The following PHF19 variants were observed in gnomAD, a reference collection of about 807,000 sequenced individuals.
PHF19 encodes PHD finger protein 19.
PHF19 carries 21 observed loss-of-function variants against 79.8 expected under a neutral mutation model. The ratio of observed to expected loss-of-function variants is 0.26; its 90% CI spans 0.19 to 0.38. PHF19 has a LOEUF of 0.38. PHF19 is among the 10% of genes least tolerant of loss of function. The pLI is 1.00. For synonymous variants in PHF19, 273 were observed against 296.3 expected (o/e 0.92, Z 0.81); for missense variants, 445 against 744.2 (o/e 0.60, Z 4.68).
intron 1 of PHF19, among the ~76,000 whole-genome samples, chr9:120,882,430 C>T (rs546261332): frequency 1.3e-3 from 147 of 109,832 alleles, no homozygotes; most frequent in African/African-American, 3.9e-3. Context: ...TCAGATTTAT[C>T]GAAATATACT....
chr9:120,879,284 GAC>G (rs1174701186), upstream of PHF19, among the ~76,000 whole-genome samples: 1 of 152,236 alleles, frequency 6.6e-6, no homozygotes, highest in Admixed American at 6.5e-5. Context: ...GGGGATGTGA[GAC>G]ACACAGGTGG....
At chr9:120,878,866 C>T (rs1235751533), upstream of PHF19, among the ~76,000 whole-genome samples, 1 of 152,230 alleles carries the variant, frequency 6.6e-6, no homozygotes, top group Non-Finnish European at 1.5e-5. Flanking sequence ...TAACCATGTT[C>T]TGCCAAGAGA....
chr9:120,870,156 G>T lies in PHF19; in HGVS notation c.365-211C>A, dbSNP rs190341707. On this transcript the variant is annotated intron_variant, in intron 4 of 14. Coordinates refer to ENST00000373896, the MANE Select transcript of PHF19 (RefSeq NM_015651.3). The surrounding 1 kb of genome is among the most constrained non-coding windows in gnomAD (Gnocchi z 4.4). ...ACAGCATTGGCCAGTTGTGGGGTTG[G>T]GGGGGACACAGGAAGGTCTGACTTC... Among the ~76,000 whole-genome samples the T allele has an allele frequency of 3.9e-3, 598 of 152,190 alleles. 2 individuals are homozygous for T. The highest frequency in any genetic ancestry group is 4.1e-3 in the Non-Finnish European group (277 of 67,994).
At chr9:120,900,427 T>C in the PHF19 span, among the ~76,000 whole-genome samples, 1 of 152,278 alleles carries the variant, frequency 6.6e-6, no homozygotes, top group Non-Finnish European at 1.5e-5. Context: ...AAAGTCAATC[T>C]ACATGTATGT....
Position 120,869,152 on chromosome 9 carries a change from C to T in PHF19, c.614+30G>A, listed in dbSNP as rs1294299061. 3.8e-6 allele frequency: 6 copies of T among 1,585,636 alleles called. No homozygotes were observed. The highest frequency in any genetic ancestry group is 4.5e-5 in the East Asian group (2 of 43,980). On this transcript the variant is annotated intron_variant, in intron 6 of 14. Transcript: ENST00000373896. The surrounding 1 kb of genome is among the most constrained non-coding windows in gnomAD (Gnocchi z 5.8). The stretch of plus-strand genomic sequence containing the variant: ...GGCGATTCTTGGAGACCTGCCCTGC[C>T]GCCCGGGGGGCCCTGACCCCCTGCC...
chr9:120,889,927 T>G lies in PHF19; in HGVS notation c.42+4861A>C, dbSNP rs2046319470. Reference sequence around the variant, plus strand: ...CTGGACTTGGACTTAGAATCTGGACTTGGACAACCTAAGGTCAGGTTCTGC... The same window carrying G: ...CTGGACTTGGACTTAGAATCTGGACGTGGACAACCTAAGGTCAGGTTCTGC... On this transcript the variant is annotated intron_variant, in intron 1 of 14. Transcript: ENST00000616568. 3.3e-5 allele frequency among the ~76,000 whole-genome samples: 5 copies of G among 152,240 alleles called. No homozygotes were observed. The South Asian group carries it at 1.0e-3, about 32-fold the overall frequency.
At chr9:120,877,766 C>G (rs916147039), upstream of PHF19, among the ~76,000 whole-genome samples, 4 of 152,224 alleles carry the variant, frequency 2.6e-5, no homozygotes, top group Non-Finnish European at 4.4e-5. Flanking sequence ...ACACAACACA[C>G]AGTGCACAAC....
chr9:120,860,202 C>T lies in PHF19; in HGVS notation c.1305-17G>A, dbSNP rs372917917. On this transcript the variant is annotated splice_polypyrimidine_tract_variant and intron_variant, in intron 13 of 14. Coordinates refer to ENST00000373896, the MANE Select transcript of PHF19 (RefSeq NM_015651.3). This position sits in a 1 kb window ranked among gnomAD's most constrained non-coding sequence, Gnocchi z 4.1. ...GAGCTGGCACTGAGAGGGGCAAGAC[C>T]GTGAGCCTGCTGGTGGCCCGGCCCA... is the stretch of plus-strand genomic sequence containing the variant. 3.3e-5 allele frequency: 48 copies of T among 1,463,592 alleles called. No homozygotes were observed. Among genetic ancestry groups the T allele is most frequent in the East Asian group, 1.7e-4 (7 of 42,336 alleles). The allele number at this position is 1,463,592 out of a possible 1,614,324, so 90.7% of individuals were successfully genotyped here. A position where few individuals can be genotyped will look rare whatever the true frequency, so the allele number is the denominator to read the frequency against.
Position 120,874,807 on chromosome 9 carries a change from G to C in PHF19, c.-15-51C>G. On this transcript the variant is annotated intron_variant, in intron 1 of 14. Transcript: ENST00000373896. The surrounding 1 kb of genome is among the most constrained non-coding windows in gnomAD (Gnocchi z 4.5). ...GCTTCTTGCTTCCCTGCTTCAGAAA[G>C]CCCATCAGGGGAAGGAAGGAAACCA... 1 of 1,238,736 alleles carries C rather than the reference G, an allele frequency of 8.1e-7. No homozygotes were observed. The highest frequency in any genetic ancestry group is 1.2e-6 in the Non-Finnish European group (1 of 857,048). The allele number at this position is 1,238,736 out of a possible 1,614,324, so 76.7% of individuals were successfully genotyped here.
Position 120,870,034 on chromosome 9 carries a change from AG to A in PHF19, c.365-90del, listed in dbSNP as rs1409572528. On this transcript the variant is annotated intron_variant, in intron 4 of 14. Coordinates refer to ENST00000373896, the MANE Select transcript of PHF19 (RefSeq NM_015651.3). This position sits in a 1 kb window ranked among gnomAD's most constrained non-coding sequence, Gnocchi z 4.4. The stretch of plus-strand genomic sequence containing the variant: ...AAAGGAGGCAGGGCTGGGAGGGCTG[AG>A]GGAAGTCCTAGGAGCTCTGCCTGCC... The A allele has an allele frequency of 3.3e-6, 5 of 1,509,440 alleles. No individual in the cohort carries two copies. The highest frequency in any genetic ancestry group is 4.4e-6 in the Non-Finnish European group (5 of 1,128,068). The allele number at this position is 1,509,440 out of a possible 1,614,324, so 93.5% of individuals were successfully genotyped here.
At chr9:120,897,554 T>C (rs1350677721), upstream of PHF19, among the ~76,000 whole-genome samples, 1 of 152,232 alleles carries the variant, frequency 6.6e-6, no homozygotes, top group Non-Finnish European at 1.5e-5. Flanking sequence ...CCTGCATATG[T>C]AATTCTAAAT....
chr9:120,876,413 C>A (rs943854537), intron 1 of PHF19: 5 of 152,104 alleles, frequency 3.3e-5, no homozygotes, highest in Non-Finnish European at 7.4e-5. Context: ...TCGCCGCACC[C>A]GCCTCCACCC....
rs1220370429 is a variant in PHF19 at position 120,891,765 on chromosome 9, T to G, written c.42+3023A>C. 6.6e-6 allele frequency among the ~76,000 whole-genome samples: 1 copy of G among 152,186 alleles called. No homozygotes were observed. The highest frequency in any genetic ancestry group is 2.4e-5 in the African/African-American group (1 of 41,434). Reference sequence around the variant, plus strand: ...ACAGGCCCCACCCAGTCTTCCGTGCTTGTTAGGAGAGACGGAAGCATCACA... The same window carrying G: ...ACAGGCCCCACCCAGTCTTCCGTGCGTGTTAGGAGAGACGGAAGCATCACA... On this transcript the variant is annotated intron_variant, in intron 1 of 14. Coordinates refer to the PHF19 transcript ENST00000616568. The surrounding 1 kb of genome is among the most constrained non-coding windows in gnomAD (Gnocchi z 4.3).
At chr9:120,875,292 C>T (rs1333860139) in intron 1 of PHF19, among the ~76,000 whole-genome samples, 1 of 152,088 alleles carries the variant, frequency 6.6e-6, no homozygotes, top group Non-Finnish European at 1.5e-5. Flanking sequence ...TTGTAATCCC[C>T]CCTTCTGTTC....
At chr9:120,887,963 T>C (rs1353367106) in intron 1 of PHF19, among the ~76,000 whole-genome samples, 1 of 152,088 alleles carries the variant, frequency 6.6e-6, no homozygotes, top group African/African-American at 2.4e-5. Flanking sequence ...ATGACACGCG[T>C]GCACGTCTCT....
At position 120,891,623 on chromosome 9, in the gene PHF19, C is replaced by T. The variant is rs781293065; in HGVS notation, c.42+3165G>A. ...TAGAGGAGCTGCACTCCAGGCACCT[C>T]GGGGAGTATAACCTTGAACTCGGAA... On this transcript the variant is annotated intron_variant, in intron 1 of 14. Transcript: ENST00000616568. The surrounding 1 kb of genome is among the most constrained non-coding windows in gnomAD (Gnocchi z 4.3). Among the ~76,000 whole-genome samples, 4 of 152,176 alleles carry T rather than the reference C, an allele frequency of 2.6e-5. No individual in the cohort carries two copies. Among genetic ancestry groups the T allele is most frequent in the Non-Finnish European group, 4.4e-5 (3 of 68,028 alleles).
At position 120,861,908 on chromosome 9, in the gene PHF19, A is replaced by G; in HGVS notation, c.1218+10T>C. On this transcript the variant is annotated intron_variant, in intron 12 of 14. Coordinates refer to ENST00000373896, the MANE Select transcript of PHF19 (RefSeq NM_015651.3). ...TATGAAAATGGAGAGTAAGAAAACA[A>G]GGAACTAACACTGGGAATAGCATCT... 6.3e-7 allele frequency: 1 copy of G among 1,580,128 alleles called. No individual in the cohort carries two copies. Among genetic ancestry groups the G allele is most frequent in the Non-Finnish European group, 8.7e-7 (1 of 1,149,068 alleles).
chr9:120,895,041 A>G, upstream of PHF19: 1 of 369,606 alleles, frequency 2.7e-6, no homozygotes, highest in Non-Finnish European at 4.8e-6. Context: ...CCGACTGGTC[A>G]GGGACTTTGT....
upstream of PHF19, among the ~76,000 whole-genome samples, chr9:120,895,140 A>G (rs1588142970): frequency 6.6e-6 from 1 of 152,266 alleles, no homozygotes; most frequent in South Asian, 2.1e-4. Flanking sequence ...GCACGTCGGG[A>G]TTTGAATCCG....
Sources: allele counts gnomAD v4.1 joint callset (sites outside exome capture counted in the v4.1 genomes callset), GRCh38; gene constraint gnomAD v4.1.1; non-coding constraint Gnocchi (gnomAD v3.1); transcripts MANE v1.5; gene names NCBI Gene and HGNC (gene_info 2026-07-23, HGNC 2026-07-21).